The following MYO16 variants were observed in gnomAD, a reference collection of about 807,000 sequenced individuals.
MYO16 encodes myosin XVI, also known as unconventional myosin-XVI.
A neutral mutation model predicts 205.3 loss-of-function variants in MYO16; 94 were observed. The ratio of observed to expected loss-of-function variants is 0.46; its 90% CI spans 0.39 to 0.54. The LOEUF (loss-of-function observed/expected upper bound fraction) is 0.54, where lower values mean the gene tolerates loss of function less well. MYO16 is among the 20% of genes least tolerant of loss of function. The probability of loss-of-function intolerance (pLI) is 0.00; values close to 1 mark genes in which losing one functional copy is unlikely to be tolerated. For missense variants in MYO16, 2,315 were observed against 2,387.5 expected, an observed-to-expected ratio of 0.97 and a Z score of 0.63; for synonymous variants, 988 against 954.0, an observed-to-expected ratio of 1.04 and a Z score of -0.66.
chr13:108,672,476 G>GT (rs1363135405), intron 2 of MYO16, among the ~76,000 whole-genome samples: 7 of 151,802 alleles, frequency 4.6e-5, no homozygotes, highest in East Asian at 1.9e-4. Context: ...TATGTCTGTG[G>GT]TTTTTTTCAT....
Position 109,140,728 on chromosome 13 carries a change from A to C in MYO16, c.4516A>C (p.Asn1506His), listed in dbSNP as rs1385413664. ...GTGCGACATCCCGCCGCCCTTCCCC[A>C]ACCTGCTGCCGCACCGGCCGCCCCT... ...DACDIPPPFP[N>H]LLPHRPPLLV... The change falls in exon 32 of 35, where the codon AAC becomes CAC. Residue 1506 changes from asparagine (N) to histidine (H), a missense_variant. Physicochemically the swap from Asn to His is moderately conservative, Grantham distance 68. Transcript: ENST00000457511. This position sits in a 1 kb window ranked among gnomAD's most constrained non-coding sequence, Gnocchi z 8.0. 8 of 1,511,894 alleles carry C rather than the reference A, an allele frequency of 5.3e-6. No homozygotes were observed. Among genetic ancestry groups the C allele is most frequent in the African/African-American group, 1.5e-5 (1 of 68,668 alleles). The allele number at this position is 1,511,894 out of a possible 1,614,324, so 93.7% of individuals were successfully genotyped here.
At chr13:109,005,827 C>A (rs1885369132) in intron 21 of MYO16, among the ~76,000 whole-genome samples, 1 of 152,194 alleles carries the variant, frequency 6.6e-6, no homozygotes, top group Non-Finnish European at 1.5e-5. Flanking sequence ...TTTGTTTCTT[C>A]TCTGAAGAAA....
chr13:109,205,334 CAG>C (rs1880554488), intron 34 of MYO16, among the ~76,000 whole-genome samples: 1 of 152,212 alleles, frequency 6.6e-6, no homozygotes, highest in Non-Finnish European at 1.5e-5. Context: ...ACAGTAGGCT[CAG>C]GTGTTGGTGT....
the MYO16 span, among the ~76,000 whole-genome samples, chr13:108,519,852 TA>T: frequency 6.6e-6 from 1 of 152,144 alleles, no homozygotes; most frequent in Non-Finnish European, 1.5e-5. Flanking sequence ...AGTGACATTA[TA>T]TAAAAAAACT....
At chr13:108,773,749 C>A (rs369950652) in intron 4 of MYO16, among the ~76,000 whole-genome samples, 3 of 152,164 alleles carry the variant, frequency 2.0e-5, no homozygotes, top group African/African-American at 7.2e-5. Flanking sequence ...CATAGGGGTT[C>A]TTTGCATTAC....
chr13:109,091,955 C>A (rs1888637190), intron 27 of MYO16, among the ~76,000 whole-genome samples: 1 of 152,144 alleles, frequency 6.6e-6, no homozygotes, highest in South Asian at 2.1e-4. Context: ...CCAAAAAAGT[C>A]TTGCTTTATA....
chr13:108,807,202 A>T (rs769446823), intron 7 of MYO16, among the ~76,000 whole-genome samples: 25 of 152,306 alleles, frequency 1.6e-4, no homozygotes, highest in Non-Finnish European at 2.1e-4. Flanking sequence ...CTATATGGAG[A>T]TTTAAGTTAA....
intron 16 of MYO16, among the ~76,000 whole-genome samples, chr13:108,919,286 G>T (rs1881638387): frequency 6.6e-6 from 1 of 152,224 alleles, no homozygotes; most frequent in Admixed American, 6.5e-5. Flanking sequence ...TCACTGCACA[G>T]CATCTTACCT....
Position 108,811,435 on chromosome 13 carries a change from G to C in MYO16, c.867+4631G>C, listed in dbSNP as rs961613876. Among the ~76,000 whole-genome samples the C allele has an allele frequency of 4.6e-5, 7 of 151,610 alleles. No homozygotes were observed. In the East Asian group the frequency reaches 1.4e-3, roughly 30 times the overall value. On this transcript the variant is annotated intron_variant, in intron 7 of 34. Coordinates refer to ENST00000457511, the MANE Select transcript of MYO16 (RefSeq NM_001198950.3). ...TCTCACACCCTCAGCTTCAAATGCT[G>C]TCTACATGCTCATGGCTACCCAAGC...
chr13:108,930,623 A>T (rs1320283214), intron 16 of MYO16, among the ~76,000 whole-genome samples: 1 of 152,226 alleles, frequency 6.6e-6, no homozygotes, highest in Non-Finnish European at 1.5e-5. Context: ...ACACAAAAAA[A>T]TTATGCTAAG....
At chr13:108,713,512 G>A (rs1047743589) in intron 3 of MYO16, among the ~76,000 whole-genome samples, 1 of 152,158 alleles carries the variant, frequency 6.6e-6, no homozygotes, top group African/African-American at 2.4e-5. Flanking sequence ...GATCATGTGG[G>A]TGTTATTAAA....
At chr13:108,883,994 A>G (rs556905173) in intron 13 of MYO16, among the ~76,000 whole-genome samples, 1 of 152,324 alleles carries the variant, frequency 6.6e-6, no homozygotes, top group South Asian at 2.1e-4. Flanking sequence ...TTAAAGAAAC[A>G]TTTAAATGTT....
At position 109,141,884 on chromosome 13, in the gene MYO16, G is replaced by A. The variant is rs7988116; in HGVS notation, c.5164+508G>A. 4.9e-4 allele frequency among the ~76,000 whole-genome samples: 75 copies of A among 151,986 alleles called. No homozygotes were observed. The highest frequency in any genetic ancestry group is 1.8e-3 in the African/African-American group (73 of 41,446). On this transcript the variant is annotated intron_variant, in intron 32 of 34. Coordinates refer to ENST00000457511, the MANE Select transcript of MYO16 (RefSeq NM_001198950.3). This position sits in a 1 kb window ranked among gnomAD's most constrained non-coding sequence, Gnocchi z 4.1. Reference sequence around the variant, plus strand: ...ACTACCCTGCGCTTAATGCCACTCGGCTGTGGGCTGTTTGGGATGAACTGC... The same window carrying A: ...ACTACCCTGCGCTTAATGCCACTCGACTGTGGGCTGTTTGGGATGAACTGC...
intron 16 of MYO16, among the ~76,000 whole-genome samples, chr13:108,935,398 T>C (rs548589258): frequency 1.3e-5 from 2 of 152,260 alleles, no homozygotes; most frequent in East Asian, 3.9e-4. Context: ...ATTGCACTCT[T>C]GATTTGGCTC....
intron 32 of MYO16, among the ~76,000 whole-genome samples, chr13:109,155,232 G>A (rs568566088): frequency 1.3e-5 from 2 of 152,228 alleles, no homozygotes; most frequent in South Asian, 2.1e-4. Flanking sequence ...CGACTTGGCG[G>A]GGGGGTGGGT....
intron 2 of MYO16, among the ~76,000 whole-genome samples, chr13:108,673,937 T>C (rs566613174): frequency 1.3e-5 from 2 of 152,320 alleles, no homozygotes; most frequent in African/African-American, 4.8e-5. Context: ...CACTTTGATT[T>C]TTGGTGCAAT....
At chr13:109,172,990 A>G (rs1287665641) in intron 33 of MYO16, among the ~76,000 whole-genome samples, 1 of 152,244 alleles carries the variant, frequency 6.6e-6, no homozygotes, top group Non-Finnish European at 1.5e-5. Flanking sequence ...CAGGGCAAAG[A>G]CAGACATTAC....
chr13:109,023,540 A>G (rs1294495747), intron 23 of MYO16, among the ~76,000 whole-genome samples: 2 of 122,564 alleles, frequency 1.6e-5, no homozygotes, highest in Non-Finnish European at 1.6e-5. Flanking sequence ...TATACAATAT[A>G]TAGGTATATA....
intron 2 of MYO16, among the ~76,000 whole-genome samples, chr13:108,669,896 G>GGGAA (rs1271437809): frequency 6.6e-6 from 1 of 152,050 alleles, no homozygotes; most frequent in Non-Finnish European, 1.5e-5. Context: ...ACACAGGGAG[G>GGGAA]GGAACATCAC....
Sources: gnomAD v4.1 joint callset for allele counts (sites outside exome capture counted in the v4.1 genomes callset) on GRCh38, gnomAD v4.1.1 for gene constraint, Gnocchi (gnomAD v3.1) non-coding constraint, MANE v1.5 for transcripts, NCBI Gene and HGNC (gene_info 2026-07-23, HGNC 2026-07-21) for gene names.